RUNX1: variants seen among roughly 807,000 people sequenced by gnomAD.
The protein encoded by RUNX1 is RUNX family transcription factor 1.
RUNX1 carries 19 observed loss-of-function variants against 42.8 expected under a neutral mutation model. That is an observed-to-expected ratio of 0.44 (90% CI 0.31 to 0.65). RUNX1 has a LOEUF of 0.65. RUNX1 is among the 30% of genes least tolerant of loss of function. The pLI is 0.07. For synonymous variants in RUNX1, 271 were observed against 289.4 expected, an observed-to-expected ratio of 0.94 and a Z score of 0.64; for missense variants, 528 against 672.0, an observed-to-expected ratio of 0.79 and a Z score of 2.37.
intron 6 of RUNX1, among the ~76,000 whole-genome samples, chr21:34,847,920 T>C (rs1399849565): frequency 6.6e-6 from 1 of 152,132 alleles, no homozygotes; most frequent in Non-Finnish European, 1.5e-5. Flanking sequence ...TGCCAAGCTT[T>C]TTTTTTTCTT....
chr21:34,841,507 T>G (rs976431504), intron 6 of RUNX1, among the ~76,000 whole-genome samples: 1 of 152,126 alleles, frequency 6.6e-6, no homozygotes, highest in Admixed American at 6.5e-5. Context: ...TCAGGTGACA[T>G]GAAGTACAGG....
intron 7 of RUNX1, chr21:34,833,868 A>T: frequency 4.2e-6 from 1 of 240,018 alleles, no homozygotes; most frequent in Non-Finnish European, 8.5e-6. Flanking sequence ...GGGGACCTGC[A>T]TTCTCTATTG....
At chr21:34,809,898 A>G (rs569623427) in intron 7 of RUNX1, among the ~76,000 whole-genome samples, 4 of 152,282 alleles carry the variant, frequency 2.6e-5, no homozygotes, top group South Asian at 4.1e-4. Context: ...CTAACCTATG[A>G]GTTGTCGATA....
chr21:35,019,715 G>A (rs953069467), intron 2 of RUNX1, among the ~76,000 whole-genome samples: 5 of 152,082 alleles, frequency 3.3e-5, no homozygotes, highest in East Asian at 3.9e-4. Flanking sequence ...GGAAGGGATC[G>A]ACAACCACAA....
intron 2 of RUNX1, among the ~76,000 whole-genome samples, chr21:35,030,558 G>A (rs2059265862): frequency 6.6e-6 from 1 of 151,898 alleles, no homozygotes; most frequent in South Asian, 2.1e-4. Context: ...AAGATAAGAG[G>A]GCATTAGATC....
chr21:34,866,512 C>T (rs1360115951), intron 5 of RUNX1, among the ~76,000 whole-genome samples: 1 of 152,108 alleles, frequency 6.6e-6, no homozygotes, highest in Non-Finnish European at 1.5e-5. Flanking sequence ...GAGTAGTCTG[C>T]ATTTGGAGTA....
chr21:34,930,270 G>GTATATATATATATATA (rs1555906427), intron 2 of RUNX1, among the ~76,000 whole-genome samples: 205 of 122,968 alleles, frequency 1.7e-3, no homozygotes, highest in African/African-American at 7.1e-3. Context: ...GTGTGTGTAT[G>GTATATATATATATATA]TATATATATA....
At position 34,935,491 on chromosome 21, in the gene RUNX1, G is replaced by A. The variant is rs542972910; in HGVS notation, c.59-42528C>T. 1.5e-4 allele frequency among the ~76,000 whole-genome samples: 23 copies of A among 152,186 alleles called. No individual in the cohort carries two copies. The South Asian group carries it at 3.9e-3, about 26-fold the overall frequency. ...TTTGAACATATTCAACAAAACTCTC[G>A]GGTTCAGGAATTTTAGTATTGTGGT... On this transcript the variant is annotated intron_variant, in intron 2 of 8. Coordinates refer to ENST00000675419, the MANE Select transcript of RUNX1 (RefSeq NM_001754.5).
chr21:35,005,784 C>G (rs1298169112), intron 2 of RUNX1, among the ~76,000 whole-genome samples: 2 of 152,192 alleles, frequency 1.3e-5, no homozygotes, highest in Non-Finnish European at 2.9e-5. Flanking sequence ...CATCTCTTAT[C>G]TTTTAAGTAC....
At chr21:35,038,934 T>C in intron 2 of RUNX1, 1 of 345,934 alleles carries the variant, frequency 2.9e-6, no homozygotes, top group Non-Finnish European at 5.8e-6. Flanking sequence ...AATTGTAACA[T>C]TGCCTAAGGA....
At chr21:35,046,960 A>G (rs895623040) in intron 2 of RUNX1, among the ~76,000 whole-genome samples, 2 of 152,080 alleles carry the variant, frequency 1.3e-5, no homozygotes, top group East Asian at 1.9e-4. Context: ...CTGAGTGTCC[A>G]TCGGGCACAG....
intron 2 of RUNX1, among the ~76,000 whole-genome samples, chr21:34,936,323 AG>A (rs1464951417): frequency 2.0e-5 from 3 of 152,168 alleles, no homozygotes; most frequent in Non-Finnish European, 4.4e-5. Flanking sequence ...GTTTTAAATT[AG>A]TACAAAACTT....
intron 2 of RUNX1, among the ~76,000 whole-genome samples, chr21:34,998,395 T>C (rs1278727517): frequency 6.6e-6 from 1 of 152,066 alleles, no homozygotes; most frequent in East Asian, 1.9e-4. Context: ...CTGGCAACAT[T>C]TGCTCCCTCC....
At chr21:34,818,838 C>G (rs773395185) in intron 7 of RUNX1, among the ~76,000 whole-genome samples, 2 of 152,228 alleles carry the variant, frequency 1.3e-5, no homozygotes, top group Non-Finnish European at 2.9e-5. Flanking sequence ...CTGGGTGGAG[C>G]AGCGTGCAGA....
chr21:34,839,884 C>T (rs535701566), intron 6 of RUNX1, among the ~76,000 whole-genome samples: 9 of 152,258 alleles, frequency 5.9e-5, no homozygotes, highest in South Asian at 2.1e-4. Context: ...GGGAGAAACA[C>T]GCGAACTAAA....
intron 2 of RUNX1, among the ~76,000 whole-genome samples, chr21:35,031,639 GAATA>G (rs1281745326): frequency 6.6e-6 from 1 of 152,064 alleles, no homozygotes; most frequent in East Asian, 1.9e-4. Flanking sequence ...ACAGATGAAT[GAATA>G]AAGAAACTGT....
intron 6 of RUNX1, among the ~76,000 whole-genome samples, chr21:34,849,341 TTATA>T (rs1263475039): frequency 5.1e-5 from 2 of 39,490 alleles, no homozygotes; most frequent in East Asian, 7.3e-4. Context: ...ACTATATATA[TTATA>T]TATAGTATAT....
At chr21:35,022,136 G>C (rs771703287) in intron 2 of RUNX1, among the ~76,000 whole-genome samples, 1 of 152,212 alleles carries the variant, frequency 6.6e-6, no homozygotes, top group South Asian at 2.1e-4. Context: ...AGCTGAGAGC[G>C]GGTGTAGACA....
intron 8 of RUNX1, among the ~76,000 whole-genome samples, chr21:34,796,895 CAGAGT>C (rs2056536507): frequency 6.6e-6 from 1 of 152,098 alleles, no homozygotes; most frequent in Non-Finnish European, 1.5e-5. Context: ...GAGAGACAGA[CAGAGT>C]CCAAGTCCCC....
Sources: gnomAD v4.1 joint callset for allele counts (sites outside exome capture counted in the v4.1 genomes callset) on GRCh38, gnomAD v4.1.1 for gene constraint, MANE v1.5 for transcripts, NCBI Gene and HGNC (gene_info 2026-07-23, HGNC 2026-07-21) for gene names.